Variants in RAD21L1 observed in about 807,000 individuals in gnomAD.
RAD21L1 encodes RAD21 cohesin complex component like 1.
Under a neutral mutation model 69.0 loss-of-function variants are expected in RAD21L1, and 47 were observed. That is an observed-to-expected ratio of 0.68 (90% CI 0.54 to 0.87). The LOEUF is 0.87. Ranked by LOEUF, RAD21L1 falls within the 40% of genes least tolerant of loss-of-function variation. The pLI is 0.00. For missense variants in RAD21L1, 583 were observed against 647.6 expected, an observed-to-expected ratio of 0.90 and a Z score of 1.08; for synonymous variants, 177 against 205.8, an observed-to-expected ratio of 0.86 and a Z score of 1.20.
In RAD21L1 at chr20:1,254,364, T is replaced by C; in HGVS notation, c.1575T>C (p.Leu525=). ...KQAAAKFYSF[L]VLKKQLAIEL... is the part of the protein sequence containing the mutation. ...CAGCTGCCAAATTTTATAGCTTTCT[T>C]GTCCTAAAGAAACAGCTGGCTATTG... Residue 525 remains leucine, a synonymous_variant, in exon 14 of 14, where the codon CTT becomes CTC. Coordinates refer to ENST00000683101, the MANE Select transcript of RAD21L1 (RefSeq NM_001384355.1). The C allele has an allele frequency of 6.4e-7, 1 of 1,551,488 alleles. No homozygotes were observed.
chr20:1,242,949 C>T, intron 9 of RAD21L1, 104 bp downstream of exon 9: 3 of 948,670 alleles, frequency 3.2e-6, no homozygotes, highest in East Asian at 2.7e-5. Flanking sequence ...AGAATTTAAA[C>T]TTGCGAAGAA....
intron 5 of RAD21L1, among the ~76,000 whole-genome samples, chr20:1,237,609 C>T (rs192418232): frequency 1.3e-5 from 2 of 151,290 alleles, no homozygotes; most frequent in African/African-American, 4.9e-5. Flanking sequence ...ATTTTACCTA[C>T]GTTTCCATTT....
rs765779743 is a variant in RAD21L1, at chr20:1,254,469, A to G, written c.*12A>G. 6.8e-7 allele frequency: 1 copy of G among 1,471,682 alleles called. No individual in the cohort carries two copies. The highest frequency in any genetic ancestry group is 9.1e-7 in the Non-Finnish European group (1 of 1,099,962). 91.2% of individuals were successfully genotyped at this position (1,471,682 alleles called of 1,614,324 possible). ...TTTATAACATATGAAGGAAACCCAG[A>G]CATACAGATTTATGGCATCACTGGA... On this transcript the variant is annotated 3_prime_UTR_variant, in exon 14 of 14. Coordinates refer to ENST00000683101, the MANE Select transcript of RAD21L1 (RefSeq NM_001384355.1).
Position 1,228,594 on chromosome 20 carries a change from C to T in RAD21L1, c.141C>T (p.Pro47=), listed in dbSNP as rs1258999569. The T allele has an allele frequency of 1.3e-6, 2 of 1,537,872 alleles. No individual in the cohort carries two copies. Among genetic ancestry groups the T allele is most frequent in the Non-Finnish European group, 1.8e-6 (2 of 1,139,400 alleles). ...LEITIEKILS[P]KVKIALRTSG... is the part of the protein sequence containing the mutation. ...TAACCATTGAAAAAATTCTTTCACC[C>T]AAGGTATGTTACTGATTAAAATGAT... Residue 47 remains proline, a synonymous_variant, in exon 2 of 14, where the codon CCC becomes CCT. Coordinates refer to ENST00000683101, the MANE Select transcript of RAD21L1 (RefSeq NM_001384355.1).
intron 10 of RAD21L1, among the ~76,000 whole-genome samples, chr20:1,243,563 T>A (rs2087661235): frequency 1.3e-5 from 2 of 152,214 alleles, no homozygotes; most frequent in South Asian, 4.1e-4. Context: ...AAAAGTCATG[T>A]AAGGATAAGA....
At position 1,254,484 on chromosome 20, in the gene RAD21L1, G is replaced by A; in HGVS notation, c.*27G>A. On this transcript the variant is annotated 3_prime_UTR_variant, in exon 14 of 14. Transcript: ENST00000683101. ...GGAAACCCAGACATACAGATTTATG[G>A]CATCACTGGAATTTCTGTGTAGATT... 1 of 1,428,322 alleles carries A rather than the reference G, an allele frequency of 7.0e-7. No individual in the cohort carries two copies. Among genetic ancestry groups the A allele is most frequent in the South Asian group, 1.4e-5 (1 of 69,506 alleles). The allele number at this position is 1,428,322 out of a possible 1,614,324, so 88.5% of individuals were successfully genotyped here.
rs143115578 is a variant in RAD21L1 at position 1,240,573 on chromosome 20, C to A, written c.856+139C>A. On this transcript the variant is annotated intron_variant, in intron 8 of 13. Transcript: ENST00000683101. Reference sequence around the variant, plus strand: ...ACTTGTAACACAATAGAGGAGAAGACGGTGAAGAAAATTTTAGATGATCCT... The same window carrying A: ...ACTTGTAACACAATAGAGGAGAAGAAGGTGAAGAAAATTTTAGATGATCCT... 26 of 1,319,998 alleles carry A rather than the reference C, an allele frequency of 2.0e-5. No homozygotes were observed. In the African/African-American group the frequency reaches 3.4e-4, roughly 17 times the overall value. 81.8% of individuals were successfully genotyped at this position (1,319,998 alleles called of 1,614,324 possible). A position where few individuals can be genotyped will look rare whatever the true frequency, so the allele number is the denominator to read the frequency against.
In RAD21L1 at chr20:1,244,167, T is replaced by C. The variant is rs1210935227; in HGVS notation, c.1305T>C (p.Ser435=). 1 of 1,536,810 alleles carries C rather than the reference T, an allele frequency of 6.5e-7. No individual in the cohort carries two copies. Among genetic ancestry groups the C allele is most frequent in the South Asian group, 1.2e-5 (1 of 81,596 alleles). ...AGGATACCAATAAAAATATTAACTC[T>C]GAGGTAAGTTATCCAGAGAGAATCG... The part of the protein sequence containing the change: ...SHEDTNKNIN[S]EDIVEMVSLA... Residue 435 remains serine (S), a synonymous_variant, in exon 11 of 14, where the codon TCT becomes TCC. Transcript: ENST00000683101.
At position 1,254,432 on chromosome 20, in the gene RAD21L1, T is replaced by C. The variant is rs1367760085; in HGVS notation, c.1643T>C (p.Met548Thr). Residue 548 changes from methionine to threonine, a missense_variant, in exon 14 of 14, where the codon ATG becomes ACG. By Grantham distance (81) the Met-to-Thr change is moderately conservative (BLOSUM62 -1). Coordinates refer to ENST00000683101, the MANE Select transcript of RAD21L1 (RefSeq NM_001384355.1). The part of the protein sequence containing the change: ...SAPYADIIAT[M>T]GPMFYNI ...CCCTATGCAGATATTATAGCTACGA[T>C]GGGACCAATGTTTTATAACATATGA... 1 of 1,541,956 alleles carries C rather than the reference T, an allele frequency of 6.5e-7. No homozygotes were observed. The highest frequency in any genetic ancestry group is 8.8e-7 in the Non-Finnish European group (1 of 1,142,144).
intron 13 of RAD21L1, among the ~76,000 whole-genome samples, chr20:1,250,735 T>A (rs1459485982): frequency 1.3e-5 from 2 of 152,206 alleles, no homozygotes; most frequent in Admixed American, 1.3e-4. Flanking sequence ...TTGCTCAGTG[T>A]CTATAAACCC....
chr20:1,238,265 T>C, intron 6 of RAD21L1, 51 bp downstream of exon 6: 1 of 1,197,456 alleles, frequency 8.4e-7, no homozygotes, highest in Non-Finnish European at 1.1e-6. Context: ...ATCAAATTAC[T>C]ACAATATATT....
rs2087673384 is a variant in RAD21L1, at chr20:1,244,109, A to G, written c.1247A>G (p.Asp416Gly). 1 of 1,549,418 alleles carries G rather than the reference A, an allele frequency of 6.5e-7. No homozygotes were observed. Among genetic ancestry groups the G allele is most frequent in the South Asian group, 1.2e-5 (1 of 83,988 alleles). The change falls in exon 11 of 14, where the codon GAT becomes GGT. Residue 416 changes from aspartate to glycine, a missense_variant. By Grantham distance (94) the Asp-to-Gly change is moderately conservative (BLOSUM62 -1). Transcript: ENST00000683101. ...QELSKPQTWK[D>G]VIGGSQHSSH... ...TTAAGTAAACCCCAAACTTGGAAGG[A>G]TGTGATTGGTGGATCTCAGCATAGC...
intron 5 of RAD21L1, 78 bp from the exon 6 acceptor site, chr20:1,237,966 A>G (rs1240057662): frequency 4.2e-6 from 3 of 717,820 alleles, no homozygotes; most frequent in East Asian, 2.8e-5. Flanking sequence ...AGATTATGCT[A>G]GATGATATCT....
In RAD21L1 at chr20:1,228,046, T is replaced by C. The variant is rs73604136; in HGVS notation, c.-32-376T>C. Among the ~76,000 whole-genome samples the C allele has an allele frequency of 3.9e-5, 6 of 152,310 alleles. No individual in the cohort carries two copies. The East Asian group carries it at 1.2e-3, about 29-fold the overall frequency. On this transcript the variant is annotated intron_variant, in intron 1 of 13. Coordinates refer to ENST00000683101, the MANE Select transcript of RAD21L1 (RefSeq NM_001384355.1). ...CCTGTATTAGCTTTTCTTGGTTTTG[T>C]CTACCTTTTCCTATTCTTGTTTCTT... is the stretch of plus-strand genomic sequence containing the variant.
At position 1,228,575 on chromosome 20, in the gene RAD21L1, T is replaced by C. The variant is rs1410977185; in HGVS notation, c.122T>C (p.Ile41Thr). ...TTTGAATGTAATCTAGAGATAACCA[T>C]TGAAAAAATTCTTTCACCCAAGGTA... ...HVFECNLEIT[I>T]EKILSPKVKI... Residue 41 changes from isoleucine to threonine, a missense_variant, in exon 2 of 14, where the codon ATT (isoleucine) becomes ACT (threonine). Ile to Thr is a moderately conservative substitution (Grantham distance 89, BLOSUM62 -1). Coordinates refer to ENST00000683101, the MANE Select transcript of RAD21L1 (RefSeq NM_001384355.1). 1.9e-6 allele frequency: 3 copies of C among 1,543,080 alleles called. No homozygotes were observed. Among genetic ancestry groups the C allele is most frequent in the African/African-American group, 1.4e-5 (1 of 72,464 alleles).
At chr20:1,242,583 A>G (rs891649440) in intron 8 of RAD21L1, 36 bp from the exon 9 acceptor site, 3 of 1,448,720 alleles carry the variant, frequency 2.1e-6, no homozygotes, top group African/African-American at 2.8e-5. Context: ...AGAAAGCTGT[A>G]TAACCAATCA....
In RAD21L1 at chr20:1,239,223, T is replaced by C. The variant is rs983513637; in HGVS notation, c.647-89T>C. The C allele has an allele frequency of 5.6e-5, 40 of 708,374 alleles. No individual in the cohort carries two copies. In the South Asian group the frequency reaches 6.8e-4, roughly 12 times the overall value. The allele number at this position is 708,374 out of a possible 1,614,324, so 43.9% of individuals were successfully genotyped here. A position where few individuals can be genotyped will look rare whatever the true frequency, so the allele number is the denominator to read the frequency against. On this transcript the variant is annotated intron_variant, in intron 6 of 13. Transcript: ENST00000683101. ...TAAAGATCTGGTTATTCCTTTACAA[T>C]GAAATGCATAAAGTAACATTAATAA... is the stretch of plus-strand genomic sequence containing the variant.
chr20:1,235,830 C>T (rs527567215), intron 5 of RAD21L1, among the ~76,000 whole-genome samples: 2 of 152,002 alleles, frequency 1.3e-5, no homozygotes, highest in East Asian at 3.9e-4. Flanking sequence ...TGCAGTGGCA[C>T]GATCTCGGCT....
intron 5 of RAD21L1, 61 bp from the exon 6 acceptor site, chr20:1,237,983 C>T: frequency 1.1e-6 from 1 of 895,440 alleles, no homozygotes; most frequent in Non-Finnish European, 1.6e-6. Flanking sequence ...ATCTGAATTT[C>T]CTTCTAACCC....
Sources: allele counts gnomAD v4.1 joint callset (sites outside exome capture counted in the v4.1 genomes callset), GRCh38; gene constraint gnomAD v4.1.1; transcripts MANE v1.5; gene names NCBI Gene and HGNC (gene_info 2026-07-23, HGNC 2026-07-21).